Variants in KLC2 observed in about 807,000 individuals in gnomAD.
KLC2 encodes the protein KLC 2.
A neutral mutation model predicts 75.1 loss-of-function variants in KLC2; 35 were observed. That is an observed-to-expected ratio of 0.47 (90% confidence interval 0.36 to 0.62). The LOEUF is 0.62. Among genes scored for constraint, KLC2 ranks in the 20% least tolerant of loss-of-function variants. The probability of loss-of-function intolerance (pLI) is 0.00; values close to 1 mark genes in which losing one functional copy is unlikely to be tolerated. For synonymous variants in KLC2, 314 were observed against 336.7 expected, an observed-to-expected ratio of 0.93 and a Z score of 0.74; for missense variants, 611 against 833.2, an observed-to-expected ratio of 0.73 and a Z score of 3.28.
In KLC2 at chr11:66,265,241, T is replaced by C; in HGVS notation, c.1334+6T>C. Reference sequence around the variant, plus strand: ...AAGGCCTGTAAAGTAGACAGGTGAGTGGGGCGGGGCTGGGCTGGGGAGCAG... The same window carrying C: ...AAGGCCTGTAAAGTAGACAGGTGAGCGGGGCGGGGCTGGGCTGGGGAGCAG... On this transcript the variant is annotated splice_donor_region_variant and intron_variant, in intron 11 of 15. Transcript: ENST00000394067. 1 of 1,013,514 alleles carries C rather than the reference T, an allele frequency of 9.9e-7. No homozygotes were observed. The highest frequency in any genetic ancestry group is 1.5e-6 in the Non-Finnish European group (1 of 664,650). The allele number at this position is 1,013,514 out of a possible 1,614,324, so 62.8% of individuals were successfully genotyped here. A position where few individuals can be genotyped will look rare whatever the true frequency, so the allele number is the denominator to read the frequency against.
chr11:66,244,817 T>A, the KLC2 span: 1 of 152,154 alleles, frequency 6.6e-6, no homozygotes, highest in Non-Finnish European at 1.5e-5. Flanking sequence ...GCAGCCCAAC[T>A]CCAGTGAAAA....
chr11:66,266,139 G>A lies in KLC2; in HGVS notation c.1649G>A (p.Arg550Gln), dbSNP rs1856807611. 1.2e-6 allele frequency: 2 copies of A among 1,613,882 alleles called. No individual in the cohort carries two copies. Among genetic ancestry groups the A allele is most frequent in the Non-Finnish European group, 1.7e-6 (2 of 1,179,942 alleles). ...CGCAGCGGTTCCTTTGGGAAACTCC[G>A]GGATGCCCTGAGGCGCAGCAGTGAG... ...LRRSGSFGKL[R>Q]DALRRSSEML... The change falls in exon 14 of 16, where the codon CGG (arginine) becomes CAG (glutamine). Residue 550 changes from arginine to glutamine, a missense_variant. Coordinates refer to ENST00000394067, the MANE Select transcript of KLC2 (RefSeq NM_001318734.2).
chr11:66,248,876 G>A, the KLC2 span, among the ~76,000 whole-genome samples: 1 of 152,110 alleles, frequency 6.6e-6, no homozygotes, highest in Admixed American at 6.5e-5. Flanking sequence ...GGGACTACAG[G>A]CATGTGTCAT....
chr11:66,250,034 C>T, the KLC2 span, among the ~76,000 whole-genome samples: 1 of 152,068 alleles, frequency 6.6e-6, no homozygotes, highest in African/African-American at 2.4e-5. Flanking sequence ...TTTCCCCCTG[C>T]CATGCTCACC....
At chr11:66,266,239 G>A (rs774464402) in intron 14 of KLC2, 22 bp downstream of exon 14, 10 of 1,584,628 alleles carry the variant, frequency 6.3e-6, no homozygotes, top group South Asian at 1.1e-5. Context: ...ACCAAGGTGA[G>A]CCTCAAGAAC....
At chr11:66,256,190 A>T (rs1322661664), upstream of KLC2, among the ~76,000 whole-genome samples, 1 of 152,040 alleles carries the variant, frequency 6.6e-6, no homozygotes, top group Non-Finnish European at 1.5e-5. Flanking sequence ...GGACTACTTG[A>T]GACCAGCCTG....
intron 3 of KLC2, 47 bp from the exon 4 acceptor site, chr11:66,262,076 C>T (rs1410680619): frequency 6.3e-7 from 1 of 1,595,970 alleles, no homozygotes; most frequent in Admixed American, 1.7e-5. Context: ...GACACCCCGG[C>T]TGCCCTGTGC....
At chr11:66,266,367 T>C in intron 14 of KLC2, 66 bp from the exon 15 acceptor site, 1 of 844,820 alleles carries the variant, frequency 1.2e-6, no homozygotes, top group Non-Finnish European at 1.9e-6. Flanking sequence ...AGCCCCACCC[T>C]TCTCCCTGCC....
At chr11:66,264,959 G>T in intron 9 of KLC2, 64 bp from the exon 10 acceptor site, 1 of 1,550,370 alleles carries the variant, frequency 6.5e-7, no homozygotes, top group Non-Finnish European at 8.8e-7. Flanking sequence ...CCCCAGTCCT[G>T]TGTCCAGCCC....
At chr11:66,265,553 T>TGTGGG in intron 11 of KLC2, 102 bp from the exon 12 acceptor site, 1 of 934,036 alleles carries the variant, frequency 1.1e-6, no homozygotes, top group Non-Finnish European at 1.6e-6. Context: ...GGATTCTGGC[T>TGTGGG]ACCCCGGAGG....
In KLC2 at chr11:66,266,441, G is replaced by T. The variant is rs747748117; in HGVS notation, c.1736G>T (p.Arg579Leu). 1.2e-6 allele frequency: 2 copies of T among 1,608,752 alleles called. No individual in the cohort carries two copies. Among genetic ancestry groups the T allele is most frequent in the Non-Finnish European group, 1.7e-6 (2 of 1,176,410 alleles). The change falls in exon 15 of 16, where the codon CGG (arginine) becomes CTG (leucine). Residue 579 changes from arginine (R) to leucine (L), a missense_variant. By Grantham distance (102) the Arg-to-Leu change is moderately radical. Transcript: ENST00000394067. The stretch of plus-strand genomic sequence containing the variant: ...CTGTCCTTTTCCCTCAGGATGAAGC[G>T]GGCCAGTTCCCTCAACTTCCTCAAC... ...PQEPPNPRMK[R>L]ASSLNFLNKS...
chr11:66,252,454 G>T (rs374667771), upstream of KLC2, among the ~76,000 whole-genome samples: 1 of 84,542 alleles, frequency 1.2e-5, no homozygotes, highest in Non-Finnish European at 3.3e-5. Flanking sequence ...TAGTAGAGAC[G>T]GGGTTTCACC....
At chr11:66,252,371 C>A (rs540005774), upstream of KLC2, among the ~76,000 whole-genome samples, 2 of 151,100 alleles carry the variant, frequency 1.3e-5, no homozygotes, top group South Asian at 2.1e-4. Context: ...CCGCAAGCTC[C>A]GCCTCCCGGG....
At chr11:66,250,532 A>G in the KLC2 span, among the ~76,000 whole-genome samples, 20 of 152,140 alleles carry the variant, frequency 1.3e-4, no homozygotes, top group African/African-American at 4.3e-4. Context: ...TAGGTACAGC[A>G]TGAACCTAGG....
Position 66,267,388 on chromosome 11 carries a change from C to T in KLC2, c.*432C>T, listed in dbSNP as rs1003927547. 2.8e-6 allele frequency: 2 copies of T among 719,470 alleles called. No individual in the cohort carries two copies. The highest frequency in any genetic ancestry group is 3.5e-5 in the African/African-American group (2 of 57,280). 44.6% of individuals were successfully genotyped at this position (719,470 alleles called of 1,614,324 possible). A position where few individuals can be genotyped will look rare whatever the true frequency, so the allele number is the denominator to read the frequency against. ...GCGCGCCTCCCTTCAGTCCACGGTA[C>T]TACCCGGGCCTCCCCTCGTCCCTCT... On this transcript the variant is annotated 3_prime_UTR_variant, in exon 16 of 16. Coordinates refer to ENST00000394067, the MANE Select transcript of KLC2 (RefSeq NM_001318734.2).
chr11:66,267,247 TC>T lies in KLC2; in HGVS notation c.*295del. The T allele has an allele frequency of 1.4e-6, 2 of 1,433,666 alleles. No individual in the cohort carries two copies. The highest frequency in any genetic ancestry group is 1.9e-6 in the Non-Finnish European group (2 of 1,040,666). The allele number at this position is 1,433,666 out of a possible 1,614,324, so 88.8% of individuals were successfully genotyped here. A position where few individuals can be genotyped will look rare whatever the true frequency, so the allele number is the denominator to read the frequency against. On this transcript the variant is annotated 3_prime_UTR_variant, in exon 16 of 16. Coordinates refer to ENST00000394067, the MANE Select transcript of KLC2 (RefSeq NM_001318734.2). ...CCACCATAGACTCAGTGGCCTGGCCTCCCCAGACCCCAGAGCCAAGAACACT... is the reference window on the plus strand; with the variant it reads ...CCACCATAGACTCAGTGGCCTGGCCTCCCAGACCCCAGAGCCAAGAACACT...
chr11:66,262,488 C>T (rs1856503983), intron 4 of KLC2: 2 of 549,468 alleles, frequency 3.6e-6, no homozygotes, highest in African/African-American at 3.8e-5. Context: ...CTGAAGGAGG[C>T]ACATGCAGAC....
At chr11:66,262,216 G>T (rs772473185) in intron 4 of KLC2, 24 bp downstream of exon 4, 49 of 1,599,154 alleles carry the variant, frequency 3.1e-5, no homozygotes, top group Non-Finnish European at 4.2e-5. Flanking sequence ...GTTCTGGAGT[G>T]GGGGAAGGAA....
At chr11:66,256,938 T>C (rs1271761509), upstream of KLC2, among the ~76,000 whole-genome samples, 1 of 151,700 alleles carries the variant, frequency 6.6e-6, no homozygotes, top group African/African-American at 2.4e-5. Context: ...AAGGAGAAAT[T>C]GGGATGGGGA....
Sources: allele counts gnomAD v4.1 joint callset (sites outside exome capture counted in the v4.1 genomes callset), GRCh38; gene constraint gnomAD v4.1.1; transcripts MANE v1.5; gene names NCBI Gene and HGNC (gene_info 2026-07-23, HGNC 2026-07-21).